The following ADAM32 variants were observed in gnomAD, a reference collection of about 807,000 sequenced individuals.
ADAM32 encodes disintegrin and metalloproteinase domain-containing protein 32.
In ADAM32, 89 loss-of-function variants were observed where a neutral mutation model predicts 114.9. The observed-to-expected ratio is 0.77, with a 90% CI of 0.65 to 0.92. ADAM32 has a LOEUF of 0.92. Among genes scored for constraint, ADAM32 ranks in the 40% least tolerant of loss-of-function variants. The probability of loss-of-function intolerance (pLI) is 0.00; values close to 1 mark genes in which losing one functional copy is unlikely to be tolerated. For missense variants in ADAM32, 870 were observed against 932.8 expected, an observed-to-expected ratio of 0.93 and a Z score of 0.88; for synonymous variants, 285 against 307.5, an observed-to-expected ratio of 0.93 and a Z score of 0.77.
intron 10 of ADAM32, among the ~76,000 whole-genome samples, chr8:39,184,123 T>C: frequency 6.6e-6 from 1 of 152,266 alleles, no homozygotes; most frequent in Non-Finnish European, 1.5e-5. Flanking sequence ...GATGATAATT[T>C]ACAGTCATTA....
chr8:39,254,132 T>C (rs576932094), intron 17 of ADAM32, among the ~76,000 whole-genome samples: 6 of 151,712 alleles, frequency 4.0e-5, no homozygotes, highest in African/African-American at 1.4e-4. Context: ...AATTTAAGTA[T>C]GCATTTTTGA....
chr8:39,185,342 C>CA (rs756245837), intron 10 of ADAM32, among the ~76,000 whole-genome samples: 43 of 11,958 alleles, frequency 3.6e-3, no homozygotes, highest in South Asian at 5.2e-3. Flanking sequence ...CTCCAGTCTA[C>CA]AAAAAAAAAA....
chr8:39,236,548 A>G (rs1311893445), intron 16 of ADAM32, among the ~76,000 whole-genome samples: 1 of 152,220 alleles, frequency 6.6e-6, no homozygotes, highest in Non-Finnish European at 1.5e-5. Context: ...AGTGAAAAAT[A>G]CAAAAAAGTA....
chr8:39,107,550 G>T (rs80231077), upstream of ADAM32: 74,251 of 1,297,262 alleles, frequency 0.057, 2,982 homozygotes, highest in African/African-American at 0.19. Context: ...CAACCACGCG[G>T]CTGGGGTGCG....
chr8:39,128,311 A>G lies in ADAM32; in HGVS notation c.139-8346A>G, dbSNP rs557753827. On this transcript the variant is annotated intron_variant, in intron 2 of 24. Coordinates refer to ENST00000379907, the MANE Select transcript of ADAM32 (RefSeq NM_145004.7). ...TCATTTTTTATCTTTGTTGGTTTATAGTCTGTTTTGTCAGAAACTAGGTTT... is the reference window on the plus strand; with the variant it reads ...TCATTTTTTATCTTTGTTGGTTTATGGTCTGTTTTGTCAGAAACTAGGTTT... Among the ~76,000 whole-genome samples, 68 of 152,150 alleles carry G rather than the reference A, an allele frequency of 4.5e-4. 1 individual carries two copies. Among genetic ancestry groups the G allele is most frequent in the African/African-American group, 1.5e-3 (62 of 41,520 alleles).
At chr8:39,167,435 G>T (rs973627631) in intron 9 of ADAM32, 8 of 152,104 alleles carry the variant, frequency 5.3e-5, no homozygotes, top group African/African-American at 1.9e-4. Context: ...ATGCTGTTTT[G>T]GTGACTATGG....
chr8:39,256,201 T>C (rs1811638178), intron 18 of ADAM32, among the ~76,000 whole-genome samples: 1 of 151,972 alleles, frequency 6.6e-6, no homozygotes, highest in African/African-American at 2.4e-5. Flanking sequence ...CATTAAAATA[T>C]CATAATTCAC....
At chr8:39,230,553 C>T (rs1218303151) in intron 14 of ADAM32, among the ~76,000 whole-genome samples, 5 of 152,160 alleles carry the variant, frequency 3.3e-5, no homozygotes. Context: ...CAGTGTTTAA[C>T]AAGCCCTGCA....
chr8:39,276,888 T>C (rs1813108534), intron 22 of ADAM32, among the ~76,000 whole-genome samples: 1 of 152,190 alleles, frequency 6.6e-6, no homozygotes, highest in Non-Finnish European at 1.5e-5. Flanking sequence ...AAAGGCTATG[T>C]CTATCTTGCT....
At chr8:39,279,078 T>C (rs915045312) in intron 22 of ADAM32, among the ~76,000 whole-genome samples, 2 of 152,222 alleles carry the variant, frequency 1.3e-5, no homozygotes, top group South Asian at 4.1e-4. Flanking sequence ...TGTTATTTTA[T>C]GATTATATGT....
chr8:39,164,859 A>G (rs372226544), intron 8 of ADAM32, 24 bp downstream of exon 8: 2 of 1,581,512 alleles, frequency 1.3e-6, no homozygotes, highest in African/African-American at 1.4e-5. Flanking sequence ...TTTTCATATT[A>G]AAATAATTGT....
chr8:39,259,784 G>C (rs1368301250), intron 19 of ADAM32, among the ~76,000 whole-genome samples: 2 of 152,084 alleles, frequency 1.3e-5, no homozygotes, highest in African/African-American at 4.8e-5. Flanking sequence ...AAGACAAAAA[G>C]TTGCAAAAAT....
intron 11 of ADAM32, among the ~76,000 whole-genome samples, chr8:39,205,240 G>A (rs1807738980): frequency 6.6e-6 from 1 of 152,204 alleles, no homozygotes; most frequent in African/African-American, 2.4e-5. Context: ...GTCTACAGAG[G>A]CAGGCAGGCC....
chr8:39,194,618 A>G (rs1260006903), intron 11 of ADAM32, among the ~76,000 whole-genome samples: 1 of 152,092 alleles, frequency 6.6e-6, no homozygotes, highest in Non-Finnish European at 1.5e-5. Context: ...TGCAGGAGCT[A>G]TGATGCAGGT....
chr8:39,136,804 A>G, intron 3 of ADAM32, 86 bp downstream of exon 3: 1 of 883,698 alleles, frequency 1.1e-6, no homozygotes, highest in East Asian at 3.0e-5. Flanking sequence ...TGAGAAAAAT[A>G]CATGGAATTA....
intron 10 of ADAM32, among the ~76,000 whole-genome samples, chr8:39,178,936 C>G (rs1297161999): frequency 2.0e-5 from 3 of 152,118 alleles, no homozygotes; most frequent in African/African-American, 7.2e-5. Flanking sequence ...GGGCACTGAC[C>G]TTATACTAGC....
At chr8:39,249,190 C>A (rs1811131617) in intron 17 of ADAM32, among the ~76,000 whole-genome samples, 2 of 152,094 alleles carry the variant, frequency 1.3e-5, no homozygotes, top group African/African-American at 2.4e-5. Flanking sequence ...AGGCATGAGC[C>A]ACTGTGCCAG....
chr8:39,129,769 G>A (rs888912711), intron 2 of ADAM32: 3 of 243,156 alleles, frequency 1.2e-5, no homozygotes, highest in East Asian at 2.0e-4. Context: ...ACATTTGATA[G>A]CATTCATCAT....
intron 18 of ADAM32, among the ~76,000 whole-genome samples, chr8:39,256,177 G>C (rs1210198640): frequency 1.3e-5 from 2 of 151,664 alleles, no homozygotes; most frequent in African/African-American, 2.4e-5. Context: ...ATCTTGTCTT[G>C]CTCTTTTTTC....
Sources: gnomAD v4.1 joint callset for allele counts (sites outside exome capture counted in the v4.1 genomes callset) on GRCh38, gnomAD v4.1.1 for gene constraint, MANE v1.5 for transcripts, NCBI Gene and HGNC (gene_info 2026-07-23, HGNC 2026-07-21) for gene names.